The following TBK1 variants were observed in gnomAD, a reference collection of about 807,000 sequenced individuals.
TBK1 encodes serine/threonine-protein kinase TBK1.
In TBK1, 37 loss-of-function variants were observed where a neutral mutation model predicts 99.9. That is an observed-to-expected ratio of 0.37 (90% CI 0.28 to 0.49). TBK1 has a LOEUF of 0.49. Ranked by LOEUF, TBK1 falls within the 20% of genes least tolerant of loss-of-function variation. The pLI is 0.98. For missense variants in TBK1, 644 were observed against 872.5 expected, an observed-to-expected ratio of 0.74 and a Z score of 3.30; for synonymous variants, 258 against 279.8, an observed-to-expected ratio of 0.92 and a Z score of 0.78.
chr12:64,483,692 G>T (rs1303696064), intron 8 of TBK1, among the ~76,000 whole-genome samples: 2 of 152,118 alleles, frequency 1.3e-5, no homozygotes, highest in Non-Finnish European at 2.9e-5. Context: ...GCTCTGCTAT[G>T]TTGGTTCTCT....
At chr12:64,483,635 G>A (rs933023048) in intron 8 of TBK1, among the ~76,000 whole-genome samples, 1 of 152,156 alleles carries the variant, frequency 6.6e-6, no homozygotes, top group African/African-American at 2.4e-5. Context: ...TAGTGGAAGA[G>A]CTGAGATTTG....
intron 5 of TBK1, among the ~76,000 whole-genome samples, chr12:64,470,423 G>C (rs1046864335): frequency 2.0e-5 from 3 of 152,096 alleles, no homozygotes; most frequent in African/African-American, 4.8e-5. Context: ...ATACTACTTT[G>C]AATACAAGTG....
chr12:64,458,609 C>T (rs1200700034), intron 2 of TBK1, among the ~76,000 whole-genome samples: 4 of 151,692 alleles, frequency 2.6e-5, no homozygotes, highest in Non-Finnish European at 1.5e-5. Flanking sequence ...GAAAATAGTA[C>T]GTTTCCACCT....
At chr12:64,485,832 TAAAA>T in intron 10 of TBK1, 90 bp from the exon 11 acceptor site, 1 of 855,090 alleles carries the variant, frequency 1.2e-6, no homozygotes, top group Non-Finnish European at 1.7e-6. Flanking sequence ...ATTAACCTGA[TAAAA>T]ATGTGTAAGC....
intron 6 of TBK1, among the ~76,000 whole-genome samples, chr12:64,476,150 C>CTTTTTTTTTTTTTT: frequency 1.9e-5 from 1 of 51,820 alleles, no homozygotes; most frequent in Non-Finnish European, 3.5e-5. Context: ...GCGTAGTCTT[C>CTTTTTTTTTTTTTT]TTTTTTTTTT....
chr12:64,480,229 T>C (rs1052780914), intron 7 of TBK1, 107 bp downstream of exon 7: 2 of 689,432 alleles, frequency 2.9e-6, no homozygotes, highest in East Asian at 5.8e-5. Context: ...GATTTTATTT[T>C]AATTAGATAT....
At chr12:64,491,213 T>C (rs573518571) in intron 13 of TBK1, among the ~76,000 whole-genome samples, 36 of 152,302 alleles carry the variant, frequency 2.4e-4, no homozygotes, top group Middle Eastern at 3.4e-3. Flanking sequence ...ACTGGCTACT[T>C]AAGCAAGGCC....
In TBK1 at chr12:64,477,438, G is replaced by A. The variant is rs116067301; in HGVS notation, c.702-2574G>A. Among the ~76,000 whole-genome samples the A allele has an allele frequency of 5.7e-3, 864 of 152,190 alleles. 10 individuals are homozygous for A. Among genetic ancestry groups the A allele is most frequent in the African/African-American group, 0.019 (784 of 41,526 alleles). On this transcript the variant is annotated intron_variant, in intron 6 of 20. Transcript: ENST00000331710. ...GTGTGGCTATGGTAAATGGGATTGCGTTCTTGATAAAGTCTCAGCTTTGTC... is the reference window on the plus strand; with the variant it reads ...GTGTGGCTATGGTAAATGGGATTGCATTCTTGATAAAGTCTCAGCTTTGTC...
At chr12:64,468,492 GAAA>G (rs61344644) in intron 5 of TBK1, among the ~76,000 whole-genome samples, 1 of 118,554 alleles carries the variant, frequency 8.4e-6, no homozygotes, top group African/African-American at 3.1e-5. Context: ...CTCCGTCTCA[GAAA>G]AAAAAAAAAA....
chr12:64,462,255 G>A (rs372554078), intron 3 of TBK1, among the ~76,000 whole-genome samples: 4 of 152,214 alleles, frequency 2.6e-5, no homozygotes, highest in African/African-American at 7.2e-5. Flanking sequence ...CAAGGGCAAA[G>A]CCTGACTTCT....
intron 1 of TBK1, chr12:64,452,431 G>A: frequency 6.6e-6 from 1 of 152,350 alleles, no homozygotes; most frequent in Non-Finnish European, 1.5e-5. Flanking sequence ...TGGAATGGTC[G>A]CGCGGGCCCT....
Position 64,497,033 on chromosome 12 carries a change from G to A in TBK1, c.1845G>A (p.Lys615=), listed in dbSNP as rs1306295814. 2 of 1,612,880 alleles carry A rather than the reference G, an allele frequency of 1.2e-6. No homozygotes were observed. Among genetic ancestry groups the A allele is most frequent in the Non-Finnish European group, 1.7e-6 (2 of 1,179,254 alleles). Residue 615 remains lysine, a synonymous_variant, in exon 17 of 21, where the codon AAG becomes AAA. Transcript: ENST00000331710. Reference sequence around the variant, plus strand: ...AAAAGTATGAGGCATTTTTGAATAAGTCAGAAGAATGGATAAGGTGAGTAA... The same window carrying A: ...AAAAGTATGAGGCATTTTTGAATAAATCAGAAGAATGGATAAGGTGAGTAA... ...CVKKYEAFLN[K]SEEWIRKMLH...
In TBK1 at chr12:64,497,586, G is replaced by A. The variant is rs1306167754; in HGVS notation, c.1960-62G>A. 5.5e-6 allele frequency: 6 copies of A among 1,098,690 alleles called. No homozygotes were observed. In the Admixed American group the frequency reaches 1.5e-4, roughly 28 times the overall value. 68.1% of individuals were successfully genotyped at this position (1,098,690 alleles called of 1,614,324 possible). A position where few individuals can be genotyped will look rare whatever the true frequency, so the allele number is the denominator to read the frequency against. On this transcript the variant is annotated intron_variant, in intron 18 of 20. Transcript: ENST00000331710. ...ACACTTGATGTCAGATCTGTAGTAA[G>A]TACTTTTGTTCTGTGATTAATGTGG...
chr12:64,469,403 G>T (rs567365029), intron 5 of TBK1, among the ~76,000 whole-genome samples: 3 of 151,902 alleles, frequency 2.0e-5, no homozygotes, highest in African/African-American at 7.3e-5. Context: ...CATGACATTT[G>T]TGCTTTTGCT....
At chr12:64,472,002 T>C (rs1193177817) in intron 5 of TBK1, among the ~76,000 whole-genome samples, 1 of 152,114 alleles carries the variant, frequency 6.6e-6, no homozygotes, top group Non-Finnish European at 1.5e-5. Context: ...CCAGGTACTT[T>C]TGGCCTCTTC....
Position 64,481,974 on chromosome 12 carries a change from G to T in TBK1, c.945G>T (p.Ser315=), listed in dbSNP as rs775905530. 2.5e-6 allele frequency: 4 copies of T among 1,605,382 alleles called. No individual in the cohort carries two copies. Among genetic ancestry groups the T allele is most frequent in the Non-Finnish European group, 2.6e-6 (3 of 1,175,920 alleles). ...ILHRMVIHVF[S]LQQMTAHKIY... ...ACCGAATGGTAATTCATGTTTTTTCGCTACAACAAATGACAGCTCATAAGA... is the reference window on the plus strand; with the variant it reads ...ACCGAATGGTAATTCATGTTTTTTCTCTACAACAAATGACAGCTCATAAGA... Residue 315 remains serine, a synonymous_variant, in exon 8 of 21, where the codon TCG becomes TCT. Coordinates refer to ENST00000331710, the MANE Select transcript of TBK1 (RefSeq NM_013254.4).
chr12:64,464,269 A>G, intron 3 of TBK1, 65 bp from the exon 4 acceptor site: 1 of 1,317,652 alleles, frequency 7.6e-7, no homozygotes, highest in Non-Finnish European at 1.0e-6. Flanking sequence ...AAATCAGATA[A>G]GTACTGGCAT....
chr12:64,477,067 G>A (rs1233097180), intron 6 of TBK1, among the ~76,000 whole-genome samples: 8 of 152,084 alleles, frequency 5.3e-5, no homozygotes, highest in African/African-American at 1.9e-4. Flanking sequence ...TTTGGTTACC[G>A]TAGCTCTGCA....
At chr12:64,479,550 A>G (rs1475071434) in intron 6 of TBK1, among the ~76,000 whole-genome samples, 1 of 152,212 alleles carries the variant, frequency 6.6e-6, no homozygotes, top group East Asian at 1.9e-4. Context: ...AAAGAATCTG[A>G]TACTGTGCTC....
Sources: allele counts gnomAD v4.1 joint callset (sites outside exome capture counted in the v4.1 genomes callset), GRCh38; gene constraint gnomAD v4.1.1; transcripts MANE v1.5; gene names NCBI Gene and HGNC (gene_info 2026-07-23, HGNC 2026-07-21).